Variants in RETREG1 observed in about 807,000 individuals in gnomAD.
The protein encoded by RETREG1 is family with sequence similarity 134 member B.
Under a neutral mutation model 54.8 loss-of-function variants are expected in RETREG1, and 44 were observed. The ratio of observed to expected loss-of-function variants is 0.80; its 90% CI spans 0.63 to 1.03. The LOEUF (loss-of-function observed/expected upper bound fraction) is 1.03. Among genes scored for constraint, RETREG1 ranks in the 50% least tolerant of loss-of-function variants. RETREG1 has a pLI of 0.00. For synonymous variants in RETREG1, 217 were observed against 238.5 expected (o/e 0.91, Z 0.83); for missense variants, 554 against 605.1 (o/e 0.92, Z 0.89).
At chr5:16,537,653 G>A (rs1328730972) in intron 3 of RETREG1, among the ~76,000 whole-genome samples, 2 of 152,106 alleles carry the variant, frequency 1.3e-5, no homozygotes, top group Admixed American at 6.5e-5. Flanking sequence ...AGCCTAGTTC[G>A]TACCACTGCA....
At position 16,474,688 on chromosome 5, in the gene RETREG1, TGTTTGAAA is replaced by T; in HGVS notation, c.*45_*52del. The stretch of plus-strand genomic sequence containing the variant: ...CTTTTCCTTTTTTTTTTTTTTTTCT[TGTTTGAAA>T]TTTTTTTGGTGTTTTTTGTGCTCTG... On this transcript the variant is annotated 3_prime_UTR_variant, in exon 9 of 9. Coordinates refer to ENST00000306320, the MANE Select transcript of RETREG1 (RefSeq NM_001034850.3). 1 of 1,554,216 alleles carries T rather than the reference TGTTTGAAA, an allele frequency of 6.4e-7. No homozygotes were observed. The highest frequency in any genetic ancestry group is 1.2e-5 in the South Asian group (1 of 82,442).
intron 3 of RETREG1, among the ~76,000 whole-genome samples, chr5:16,558,182 C>A (rs1037367350): frequency 6.6e-6 from 1 of 152,116 alleles, no homozygotes; most frequent in African/African-American, 2.4e-5. Context: ...ACTGCCTGAG[C>A]CCAGGAGTTT....
chr5:16,508,342 C>A (rs2126563485), intron 3 of RETREG1, among the ~76,000 whole-genome samples: 2 of 152,262 alleles, frequency 1.3e-5, no homozygotes, highest in South Asian at 4.1e-4. Context: ...CAGGCCATCA[C>A]TTTCTGATTC....
At chr5:16,570,811 T>C (rs1270616425) in intron 2 of RETREG1, among the ~76,000 whole-genome samples, 2 of 151,870 alleles carry the variant, frequency 1.3e-5, no homozygotes, top group Non-Finnish European at 2.9e-5. Flanking sequence ...TGGGCTGAAA[T>C]TGGGGAGTTA....
chr5:16,499,080 T>TC (rs1166148721), intron 3 of RETREG1, among the ~76,000 whole-genome samples: 2 of 151,824 alleles, frequency 1.3e-5, no homozygotes, highest in Non-Finnish European at 2.9e-5. Context: ...GATTTTTTTT[T>TC]TTTACTTTTT....
At chr5:16,563,603 G>A (rs1184637165) in intron 3 of RETREG1, among the ~76,000 whole-genome samples, 1 of 152,082 alleles carries the variant, frequency 6.6e-6, no homozygotes, top group Non-Finnish European at 1.5e-5. Flanking sequence ...ACAAAAATGA[G>A]AGCCATGCTC....
chr5:16,476,337 T>G (rs1738536901), intron 8 of RETREG1, among the ~76,000 whole-genome samples: 1 of 152,090 alleles, frequency 6.6e-6, no homozygotes, highest in Non-Finnish European at 1.5e-5. Flanking sequence ...TCATTCACCC[T>G]CCTCCTTTAT....
chr5:16,574,559 T>G (rs1170828364), intron 1 of RETREG1, among the ~76,000 whole-genome samples: 1 of 152,162 alleles, frequency 6.6e-6, no homozygotes, highest in Admixed American at 6.5e-5. Flanking sequence ...TCTCACTGGT[T>G]CAAATGCTGT....
chr5:16,493,622 T>G (rs1561087077), intron 3 of RETREG1, among the ~76,000 whole-genome samples: 1 of 152,194 alleles, frequency 6.6e-6, no homozygotes, highest in Non-Finnish European at 1.5e-5. Flanking sequence ...CCACTGAAGA[T>G]CCACAATTTC....
intron 3 of RETREG1, among the ~76,000 whole-genome samples, chr5:16,512,329 C>T (rs1001359399): frequency 3.9e-5 from 6 of 152,114 alleles, no homozygotes; most frequent in African/African-American, 1.4e-4. Context: ...GCTGGGTGTC[C>T]TTCCACTCCA....
intron 3 of RETREG1, among the ~76,000 whole-genome samples, chr5:16,555,358 G>A (rs1741677053): frequency 6.6e-6 from 1 of 152,052 alleles, no homozygotes. Context: ...CACCATGTTG[G>A]CCAGGCTGGT....
At chr5:16,497,087 C>T (rs1739493102) in intron 3 of RETREG1, among the ~76,000 whole-genome samples, 1 of 152,172 alleles carries the variant, frequency 6.6e-6, no homozygotes, top group East Asian at 1.9e-4. Flanking sequence ...AGAGCTTCTA[C>T]TCTAATAGAA....
At chr5:16,579,919 G>A (rs1010962119) in intron 1 of RETREG1, among the ~76,000 whole-genome samples, 5 of 152,144 alleles carry the variant, frequency 3.3e-5, no homozygotes, top group South Asian at 4.1e-4. Context: ...AAACATCCAC[G>A]TGCAGGATTT....
chr5:16,511,901 C>T (rs1740188907), intron 3 of RETREG1, among the ~76,000 whole-genome samples: 1 of 152,032 alleles, frequency 6.6e-6, no homozygotes, highest in Non-Finnish European at 1.5e-5. Flanking sequence ...CCCATGATCC[C>T]CCATCACCTC....
intron 3 of RETREG1, among the ~76,000 whole-genome samples, chr5:16,557,482 C>T (rs1285760730): frequency 6.6e-6 from 1 of 152,186 alleles, no homozygotes; most frequent in Non-Finnish European, 1.5e-5. Context: ...TTGGAAACTG[C>T]ATGTAGAACT....
chr5:16,533,490 C>G (rs1164498500), intron 3 of RETREG1, among the ~76,000 whole-genome samples: 1 of 152,124 alleles, frequency 6.6e-6, no homozygotes, highest in Non-Finnish European at 1.5e-5. Context: ...GCAGACCAAC[C>G]TAGTAGTCTC....
At position 16,572,020 on chromosome 5, in the gene RETREG1, C is replaced by T. The variant is rs1742183967; in HGVS notation, c.403G>A (p.Asp135Asn). ...LGRVIMQIIK[D>N]MVLSRTRGAQ... The stretch of plus-strand genomic sequence containing the variant: ...CCTCTTGTTCTAGACAAAACCATAT[C>T]CTTTATTATTTGCATAATAACACGC... The change falls in exon 2 of 9, where the codon GAT becomes AAT. Residue 135 changes from aspartate to asparagine, a missense_variant. Coordinates refer to ENST00000306320, the MANE Select transcript of RETREG1 (RefSeq NM_001034850.3). 6.2e-7 allele frequency: 1 copy of T among 1,612,888 alleles called. No individual in the cohort carries two copies. Among genetic ancestry groups the T allele is most frequent in the Admixed American group, 1.7e-5 (1 of 60,014 alleles).
intron 2 of RETREG1, among the ~76,000 whole-genome samples, chr5:16,568,863 T>C (rs1052897586): frequency 3.3e-5 from 5 of 152,156 alleles, no homozygotes; most frequent in Non-Finnish European, 7.4e-5. Flanking sequence ...AAGGATACAA[T>C]TAAACTCTCA....
At chr5:16,567,966 TAAAC>T (rs149579616) in intron 2 of RETREG1, among the ~76,000 whole-genome samples, 4,983 of 151,504 alleles carry the variant, frequency 0.033, 227 homozygotes, top group African/African-American at 0.11. Context: ...ATTCTAAAAA[TAAAC>T]AAACAAACAA....
Sources: allele counts gnomAD v4.1 joint callset (sites outside exome capture counted in the v4.1 genomes callset), GRCh38; gene constraint gnomAD v4.1.1; transcripts MANE v1.5; gene names NCBI Gene and HGNC (gene_info 2026-07-23, HGNC 2026-07-21).